The following MAML2 variants were observed in gnomAD, a reference collection of about 807,000 sequenced individuals.
MAML2 encodes mastermind-like protein 2.
MAML2 carries 22 observed loss-of-function variants against 96.1 expected under a neutral mutation model. The ratio of observed to expected loss-of-function variants is 0.23; its 90% CI spans 0.16 to 0.33. The LOEUF (loss-of-function observed/expected upper bound fraction) is 0.33, where lower values mean the gene tolerates loss of function less well. Ranked by LOEUF, MAML2 falls within the 10% of genes least tolerant of loss-of-function variation. MAML2 has a pLI of 1.00. For synonymous variants in MAML2, 561 were observed against 521.3 expected (o/e 1.08, Z -1.04); for missense variants, 1,367 against 1,392.4 (o/e 0.98, Z 0.29).
intron 1 of MAML2, among the ~76,000 whole-genome samples, chr11:96,213,003 G>C (rs190040883): frequency 5.9e-5 from 9 of 152,248 alleles, no homozygotes; most frequent in Admixed American, 2.6e-4. Context: ...AACTCTATGA[G>C]CCTTTTCAAC....
intron 2 of MAML2, among the ~76,000 whole-genome samples, chr11:96,021,928 A>G (rs1858442566): frequency 1.3e-5 from 2 of 152,172 alleles, no homozygotes; most frequent in South Asian, 4.1e-4. Context: ...CAGATCCAAG[A>G]CTGTGGTTCT....
Position 96,092,307 on chromosome 11 carries a change from A to G in MAML2, c.1724T>C (p.Leu575Ser). 6.3e-7 allele frequency: 1 copy of G among 1,581,524 alleles called. No homozygotes were observed. Among genetic ancestry groups the G allele is most frequent in the Middle Eastern group, 1.7e-4 (1 of 6,024 alleles). Residue 575 changes from leucine (L) to serine (S), a missense_variant, in exon 2 of 5, where the codon TTG becomes TCG. By Grantham distance (145) the Leu-to-Ser change is moderately radical. Transcript: ENST00000524717. The surrounding 1 kb of genome is among the most constrained non-coding windows in gnomAD (Gnocchi z 4.1). ...DQANQQMPSV[L>S]PSQNKPSLLH... is the part of the protein sequence containing the mutation. ...GAGAGAAGGCTTGTTCTGGGAAGGCAAAACAGAAGGCATCTGCTGGTTCGC... is the reference window on the plus strand; with the variant it reads ...GAGAGAAGGCTTGTTCTGGGAAGGCGAAACAGAAGGCATCTGCTGGTTCGC...
At chr11:96,053,444 T>G (rs1859017357) in intron 2 of MAML2, among the ~76,000 whole-genome samples, 2 of 152,164 alleles carry the variant, frequency 1.3e-5, no homozygotes, top group Non-Finnish European at 2.9e-5. Flanking sequence ...CTTCCAATCA[T>G]CCAGGGCAAA....
At chr11:96,280,763 C>T (rs1324273281) in intron 1 of MAML2, among the ~76,000 whole-genome samples, 2 of 152,196 alleles carry the variant, frequency 1.3e-5, no homozygotes, top group Admixed American at 6.5e-5. Flanking sequence ...TGAGTGGTAG[C>T]TAAAAGTCCT....
rs182484104 is a variant in MAML2, at chr11:96,269,279, T to C, written c.513+72104A>G. Among the ~76,000 whole-genome samples the C allele has an allele frequency of 3.5e-5, 5 of 144,668 alleles. No individual in the cohort carries two copies. In the East Asian group the frequency reaches 1.0e-3, roughly 29 times the overall value. 94.9% of individuals were successfully genotyped at this position (144,668 alleles called of 152,430 possible). Reference sequence around the variant, plus strand: ...CAAAGTGTCTATGGTTCTGTGAATCTGGTGAGATTTCTATGGTAGAAAGTC... The same window carrying C: ...CAAAGTGTCTATGGTTCTGTGAATCCGGTGAGATTTCTATGGTAGAAAGTC... On this transcript the variant is annotated intron_variant, in intron 1 of 4. Transcript: ENST00000524717.
intron 1 of MAML2, among the ~76,000 whole-genome samples, chr11:96,326,866 A>G (rs1237180996): frequency 6.6e-6 from 1 of 152,216 alleles, no homozygotes; most frequent in Non-Finnish European, 1.5e-5. Flanking sequence ...TATTGTGAAT[A>G]CAAAATGTGC....
In MAML2 at chr11:96,144,125, T is replaced by C. The variant is rs1860777020; in HGVS notation, c.514-50608A>G. On this transcript the variant is annotated intron_variant, in intron 1 of 4. Transcript: ENST00000524717. ...TAAAGAAATGAGCTTGGGCTTTTTATTCAGAGCTGGGAGTTCTCGTCTCAA... is the reference window on the plus strand; with the variant it reads ...TAAAGAAATGAGCTTGGGCTTTTTACTCAGAGCTGGGAGTTCTCGTCTCAA... Among the ~76,000 whole-genome samples the C allele has an allele frequency of 2.6e-5, 4 of 152,216 alleles. No homozygotes were observed. In the South Asian group the frequency reaches 8.3e-4, roughly 31 times the overall value.
chr11:96,238,385 G>A (rs1862392249), intron 1 of MAML2, among the ~76,000 whole-genome samples: 1 of 152,178 alleles, frequency 6.6e-6, no homozygotes, highest in Non-Finnish European at 1.5e-5. Flanking sequence ...AGTGAGACAA[G>A]ATTTATTTTT....
At chr11:96,332,052 G>A (rs1863861400) in intron 1 of MAML2, among the ~76,000 whole-genome samples, 1 of 152,126 alleles carries the variant, frequency 6.6e-6, no homozygotes, top group East Asian at 1.9e-4. Context: ...GAATTTGGGA[G>A]GCAGTGAGCA....
chr11:96,246,719 T>G (rs1212625281), intron 1 of MAML2, among the ~76,000 whole-genome samples: 1 of 152,126 alleles, frequency 6.6e-6, no homozygotes, highest in African/African-American at 2.4e-5. Context: ...TAGAGACAGT[T>G]CAGGCTGCAC....
chr11:96,206,552 T>C (rs887421445), intron 1 of MAML2, among the ~76,000 whole-genome samples: 4 of 152,148 alleles, frequency 2.6e-5, no homozygotes, highest in African/African-American at 9.7e-5. Flanking sequence ...GAGCCGAGAT[T>C]GTACGACTGC....
At chr11:96,080,929 G>A (rs11021425) in intron 2 of MAML2, among the ~76,000 whole-genome samples, 65,964 of 152,010 alleles carry the variant, frequency 0.43, 15,815 homozygotes, top group Middle Eastern at 0.59. Context: ...CATAATGCAT[G>A]GGTTTGCCAG....
In MAML2 at chr11:96,290,721, GTAT is replaced by G. The variant is rs779922186; in HGVS notation, c.513+50659_513+50661del. Among the ~76,000 whole-genome samples, 24 of 152,202 alleles carry G rather than the reference GTAT, an allele frequency of 1.6e-4. No individual in the cohort carries two copies. The East Asian group carries it at 2.7e-3, about 17-fold the overall frequency. ...TTAGAATGAAAACCTTCATGAAATG[GTAT>G]TATTCACTGCCTACTTTCTTAAAGA... On this transcript the variant is annotated intron_variant, in intron 1 of 4. Transcript: ENST00000524717.
intron 1 of MAML2, among the ~76,000 whole-genome samples, chr11:96,258,976 T>C (rs965620595): frequency 7.2e-5 from 11 of 152,222 alleles, no homozygotes; most frequent in African/African-American, 2.2e-4. Flanking sequence ...CCAAATGGCA[T>C]TTTTTGTAGG....
intron 1 of MAML2, among the ~76,000 whole-genome samples, chr11:96,154,217 G>A (rs146740282): frequency 6.6e-6 from 1 of 152,244 alleles, no homozygotes; most frequent in African/African-American, 2.4e-5. Flanking sequence ...TGATTCAGTA[G>A]GTCTCGGGTG....
rs539758275 is a variant in MAML2 at position 96,298,976 on chromosome 11, T to C, written c.513+42407A>G. On this transcript the variant is annotated intron_variant, in intron 1 of 4. Coordinates refer to ENST00000524717, the MANE Select transcript of MAML2 (RefSeq NM_032427.4). Reference sequence around the variant, plus strand: ...AGGAGAATGGCGTGAACCCGGGAGGTGGAGCTTGCAGTGAGCTGAGATTGT... The same window carrying C: ...AGGAGAATGGCGTGAACCCGGGAGGCGGAGCTTGCAGTGAGCTGAGATTGT... 3.3e-3 allele frequency among the ~76,000 whole-genome samples: 450 copies of C among 136,732 alleles called. 2 individuals carry two copies. Among genetic ancestry groups the C allele is most frequent in the Admixed American group, 6.5e-3 (86 of 13,230 alleles). 89.7% of individuals were successfully genotyped at this position (136,732 alleles called of 152,430 possible). A position where few individuals can be genotyped will look rare whatever the true frequency, so the allele number is the denominator to read the frequency against.
rs1356927429 is a variant in MAML2 at position 96,076,430 on chromosome 11, TCTCA to T, written c.2139+15458_2139+15461del. On this transcript the variant is annotated intron_variant, in intron 2 of 4. Transcript: ENST00000524717. ...CTGCTCTCTTTTGTCTCTCTCTCTCTCTCACACACACACACACACACACACACAC... is the reference window on the plus strand; with the variant it reads ...CTGCTCTCTTTTGTCTCTCTCTCTCTCACACACACACACACACACACACAC... Among the ~76,000 whole-genome samples, 690 of 136,480 alleles carry T rather than the reference TCTCA, an allele frequency of 5.1e-3. 5 individuals are homozygous for T. The highest frequency in any genetic ancestry group is 0.021 in the African/African-American group (634 of 30,872). 89.5% of individuals were successfully genotyped at this position (136,480 alleles called of 152,430 possible).
intron 2 of MAML2, among the ~76,000 whole-genome samples, chr11:96,028,373 G>A (rs887031799): frequency 6.6e-6 from 1 of 152,050 alleles, no homozygotes; most frequent in Admixed American, 6.6e-5. Context: ...CATTCTTCAA[G>A]GTTTAAACTC....
chr11:95,978,918 G>A lies in MAML2; in HGVS notation c.*30C>T. The A allele has an allele frequency of 1.3e-6, 2 of 1,568,518 alleles. No individual in the cohort carries two copies. Among genetic ancestry groups the A allele is most frequent in the Non-Finnish European group, 8.6e-7 (1 of 1,158,328 alleles). Reference sequence around the variant, plus strand: ...TGTAATATACTGCCTTTTAGTGCTTGGAGTTTGTAAATTGTCTTCCCTTTC... The same window carrying A: ...TGTAATATACTGCCTTTTAGTGCTTAGAGTTTGTAAATTGTCTTCCCTTTC... On this transcript the variant is annotated 3_prime_UTR_variant, in exon 5 of 5. Transcript: ENST00000524717.
Sources: gnomAD v4.1 joint callset for allele counts (sites outside exome capture counted in the v4.1 genomes callset) on GRCh38, gnomAD v4.1.1 for gene constraint, Gnocchi (gnomAD v3.1) non-coding constraint, MANE v1.5 for transcripts, NCBI Gene and HGNC (gene_info 2026-07-23, HGNC 2026-07-21) for gene names.